The following TMEM232 variants were observed in gnomAD, a reference collection of about 807,000 sequenced individuals.
The protein encoded by TMEM232 is transmembrane protein 232.
TMEM232 carries 80 observed loss-of-function variants against 78.8 expected under a neutral mutation model. That is an observed-to-expected ratio of 1.01 (90% CI 0.85 to 1.22). TMEM232 has a LOEUF of 1.22. Among genes scored for constraint, TMEM232 ranks in the 50% most tolerant of loss-of-function variants. The pLI is 0.00. For missense variants in TMEM232, 881 were observed against 742.2 expected, an observed-to-expected ratio of 1.19 and a Z score of -2.17; for synonymous variants, 297 against 254.3, an observed-to-expected ratio of 1.17 and a Z score of -1.60.
chr5:110,661,700 T>G (rs2150106194), intron 2 of TMEM232, among the ~76,000 whole-genome samples: 2 of 152,310 alleles, frequency 1.3e-5, no homozygotes, highest in South Asian at 4.1e-4. Context: ...ACAATTCTAT[T>G]TTTGGCTTTC....
chr5:110,694,255 G>C (rs537430732), intron 1 of TMEM232, among the ~76,000 whole-genome samples: 4 of 152,286 alleles, frequency 2.6e-5, no homozygotes, highest in East Asian at 3.9e-4. Context: ...AGCAAATGCT[G>C]AGAGATTCTG....
rs961395937 is a variant in TMEM232 at position 110,419,752 on chromosome 5, G to A, written c.*828C>T. On this transcript the variant is annotated 3_prime_UTR_variant, in exon 14 of 14. Coordinates refer to ENST00000455884, the MANE Select transcript of TMEM232 (RefSeq NM_001039763.4). The stretch of plus-strand genomic sequence containing the variant: ...CACCAAGTCATCTGTGTGAAATCGA[G>A]GTATGAGTATTATCTATATTTTTCA... 9.2e-5 allele frequency among the ~76,000 whole-genome samples: 14 copies of A among 151,910 alleles called. No individual in the cohort carries two copies. Among genetic ancestry groups the A allele is most frequent in the African/African-American group, 3.4e-4 (14 of 41,388 alleles).
intron 11 of TMEM232, among the ~76,000 whole-genome samples, chr5:110,548,272 A>G (rs919098565): frequency 6.6e-6 from 1 of 150,696 alleles, no homozygotes; most frequent in Non-Finnish European, 1.5e-5. Context: ...ACACATCCAG[A>G]TATACATACA....
chr5:110,729,761 A>G (rs934973841), upstream of TMEM232, among the ~76,000 whole-genome samples: 12 of 152,206 alleles, frequency 7.9e-5, no homozygotes, highest in African/African-American at 2.7e-4. Flanking sequence ...CCTCTAGAAC[A>G]GCATTTTTTT....
At chr5:110,555,101 G>T (rs1299277273) in intron 11 of TMEM232, among the ~76,000 whole-genome samples, 1 of 152,038 alleles carries the variant, frequency 6.6e-6, no homozygotes, top group Non-Finnish European at 1.5e-5. Context: ...TTGGTGTAAT[G>T]TTAGCTTGTT....
In TMEM232 at chr5:110,494,913, C is replaced by G. The variant is rs1330070422; in HGVS notation, c.1703+33675G>C. The stretch of plus-strand genomic sequence containing the variant: ...TCAAGCTAGACTAGATAATAAGCTA[C>G]TCATGGAAACATATACTTATTATAA... On this transcript the variant is annotated intron_variant, in intron 12 of 13. Coordinates refer to ENST00000455884, the MANE Select transcript of TMEM232 (RefSeq NM_001039763.4). Among the ~76,000 whole-genome samples, 4 of 151,498 alleles carry G rather than the reference C, an allele frequency of 2.6e-5. No homozygotes were observed. The East Asian group carries it at 5.8e-4, about 22-fold the overall frequency.
At chr5:110,485,970 C>A (rs921564011) in intron 12 of TMEM232, among the ~76,000 whole-genome samples, 1 of 151,964 alleles carries the variant, frequency 6.6e-6, no homozygotes, top group Non-Finnish European at 1.5e-5. Flanking sequence ...TGCATCCATG[C>A]CAATATCTAC....
chr5:110,513,418 G>C (rs1380387283), intron 12 of TMEM232, among the ~76,000 whole-genome samples: 2 of 152,082 alleles, frequency 1.3e-5, no homozygotes, highest in African/African-American at 4.8e-5. Context: ...TTTAAAATAT[G>C]TAAGAAACTC....
chr5:110,408,946 A>C (rs910152485), intron 2 of TMEM232, among the ~76,000 whole-genome samples: 31 of 152,120 alleles, frequency 2.0e-4, no homozygotes, highest in Non-Finnish European at 4.4e-4. Flanking sequence ...TCCTACCTAG[A>C]CCAGTTGAAC....
intron 2 of TMEM232, among the ~76,000 whole-genome samples, chr5:110,664,319 G>A (rs1489531671): frequency 6.6e-6 from 1 of 152,034 alleles, no homozygotes; most frequent in Non-Finnish European, 1.5e-5. Context: ...TTACCAATAT[G>A]GATTAAAGTT....
chr5:110,591,952 C>T (rs891409232), intron 10 of TMEM232, among the ~76,000 whole-genome samples: 1 of 152,072 alleles, frequency 6.6e-6, no homozygotes, highest in Non-Finnish European at 1.5e-5. Flanking sequence ...CTTTGGAACC[C>T]TCCATTTTCT....
chr5:110,593,036 C>G (rs1234894947), intron 10 of TMEM232, among the ~76,000 whole-genome samples: 1 of 151,938 alleles, frequency 6.6e-6, no homozygotes, highest in Non-Finnish European at 1.5e-5. Flanking sequence ...GGATGTCATA[C>G]CAAACAGAAA....
At chr5:110,417,925 T>G (rs1756313187), downstream of TMEM232, 1 of 152,180 alleles carries the variant, frequency 6.6e-6, no homozygotes, top group Non-Finnish European at 1.5e-5. Flanking sequence ...ACAAGTTGTT[T>G]CAGTTTTCAC....
At chr5:110,400,254 C>T (rs535976718) in intron 2 of TMEM232, among the ~76,000 whole-genome samples, 12 of 152,136 alleles carry the variant, frequency 7.9e-5, no homozygotes, top group South Asian at 2.1e-4. Context: ...GTAAAACGTG[C>T]GATATTGAGC....
chr5:110,679,857 C>T (rs1205107658), intron 1 of TMEM232, among the ~76,000 whole-genome samples: 1 of 152,090 alleles, frequency 6.6e-6, no homozygotes, highest in Non-Finnish European at 1.5e-5. Context: ...TAAGTATTTA[C>T]ATTTGATTTT....
intron 11 of TMEM232, among the ~76,000 whole-genome samples, chr5:110,539,220 C>G (rs1021123177): frequency 6.6e-6 from 1 of 152,138 alleles, no homozygotes; most frequent in Non-Finnish European, 1.5e-5. Context: ...TTTTCCCAAT[C>G]AAAAACAATA....
intron 12 of TMEM232, among the ~76,000 whole-genome samples, chr5:110,522,298 ATTAC>A (rs1769645043): frequency 6.6e-6 from 1 of 152,138 alleles, no homozygotes; most frequent in African/African-American, 2.4e-5. Flanking sequence ...GAATTCATTT[ATTAC>A]TTCTAACAGT....
downstream of TMEM232, among the ~76,000 whole-genome samples, chr5:110,419,486 G>A (rs1393139020): frequency 6.6e-6 from 1 of 152,048 alleles, no homozygotes; most frequent in Non-Finnish European, 1.5e-5. Flanking sequence ...TAAAAAATTA[G>A]TTGCCAACAT....
chr5:110,702,896 T>C (rs1795571418), intron 1 of TMEM232, among the ~76,000 whole-genome samples: 1 of 152,062 alleles, frequency 6.6e-6, no homozygotes, highest in East Asian at 1.9e-4. Flanking sequence ...TGACAGACGT[T>C]ACATGTAGCT....
Sources: gnomAD v4.1 joint callset for allele counts (sites outside exome capture counted in the v4.1 genomes callset) on GRCh38, gnomAD v4.1.1 for gene constraint, MANE v1.5 for transcripts, NCBI Gene and HGNC (gene_info 2026-07-23, HGNC 2026-07-21) for gene names.